CNKSR2: variants seen among roughly 807,000 people sequenced by gnomAD.
The protein encoded by CNKSR2 is connector enhancer of kinase suppressor of Ras 2, also known as CNK homolog protein 2.
Under a neutral mutation model 84.4 loss-of-function variants are expected in CNKSR2, and 14 were observed. The observed-to-expected ratio is 0.17, with a 90% confidence interval of 0.11 to 0.26. The LOEUF is 0.26. CNKSR2 is among the 10% of genes least tolerant of loss of function. The pLI is 1.00. For missense variants in CNKSR2, 485 were observed against 771.2 expected, an observed-to-expected ratio of 0.63 and a Z score of 4.40; for synonymous variants, 275 against 277.9, an observed-to-expected ratio of 0.99 and a Z score of 0.10.
At position 21,432,826 on chromosome X, in the gene CNKSR2, C is replaced by A; in HGVS notation, c.431+12C>A. On this transcript the variant is annotated intron_variant, in intron 3 of 21. Coordinates refer to ENST00000379510, the MANE Select transcript of CNKSR2 (RefSeq NM_014927.5). ...GCCTGGTTGGACAGGTAAAGTCTTC[C>A]GCATGTTTCATAAGTATCCTCTCCT... The A allele has an allele frequency of 8.3e-7, 1 of 1,202,233 alleles. No individual in the cohort carries two copies. The highest frequency in any genetic ancestry group is 1.1e-6 in the Non-Finnish European group (1 of 889,425).
rs920789210 is a variant in CNKSR2 at position 21,448,722 on chromosome X, CA to C, written c.519+7947del. On this transcript the variant is annotated intron_variant, in intron 4 of 21. Transcript: ENST00000379510. The stretch of plus-strand genomic sequence containing the variant: ...ATAATATTAATATTACTTTTAATGG[CA>C]AAAAACACGAATACTTTTGCACCAA... Among the ~76,000 whole-genome samples, 37 of 111,163 alleles carry C rather than the reference CA, an allele frequency of 3.3e-4. 1 individual carries two copies. Among genetic ancestry groups the C allele is most frequent in the African/African-American group, 1.0e-3 (32 of 30,562 alleles).
At chrX:21,452,535 A>G (rs991517947) in intron 4 of CNKSR2, among the ~76,000 whole-genome samples, 2 of 111,575 alleles carry the variant, frequency 1.8e-5, no homozygotes, top group Non-Finnish European at 3.8e-5. Context: ...TCACGTCTCT[A>G]TATGCTAAAA....
At chrX:21,591,383 T>TTG (rs200916300) in intron 15 of CNKSR2, 189 bp downstream of exon 15, 4,928 of 298,893 alleles carry the variant, frequency 0.016, 212 homozygotes, top group African/African-American at 0.12. Context: ...CTGTCTCAAT[T>TTG]ATGCTAATGT....
At chrX:21,583,402 A>G (rs928443024) in intron 13 of CNKSR2, among the ~76,000 whole-genome samples, 1 of 112,006 alleles carries the variant, frequency 8.9e-6, no homozygotes. Context: ...CTTCCTACAT[A>G]CAATAATTAG....
chrX:21,573,448 T>C (rs944216873), intron 13 of CNKSR2, among the ~76,000 whole-genome samples: 1 of 111,649 alleles, frequency 9.0e-6, no homozygotes, highest in Non-Finnish European at 1.9e-5. Flanking sequence ...CTAGCAGAGG[T>C]TCTCAATGAG....
At chrX:21,530,337 C>G (rs1014533866) in intron 10 of CNKSR2, among the ~76,000 whole-genome samples, 1 of 111,013 alleles carries the variant, frequency 9.0e-6, no homozygotes, top group Admixed American at 9.6e-5. Flanking sequence ...ATGTTGTTTA[C>G]TACTTTCTAC....
chrX:21,424,284 T>C (rs954884904), intron 1 of CNKSR2: 4 of 112,036 alleles, frequency 3.6e-5, no homozygotes, highest in African/African-American at 1.3e-4. Context: ...TCTGTCTGGC[T>C]TCTCTTTGCC....
chrX:21,503,405 C>T (rs1411388893), intron 8 of CNKSR2: 1 of 290,009 alleles, frequency 3.4e-6, no homozygotes, highest in East Asian at 4.8e-5. Context: ...TTATTGTGTT[C>T]TTACAGTGTG....
At chrX:21,604,902 TAAG>T (rs754119656) in intron 18 of CNKSR2, among the ~76,000 whole-genome samples, 19 of 111,833 alleles carry the variant, frequency 1.7e-4, no homozygotes, top group Non-Finnish European at 1.3e-4. Flanking sequence ...ACTTTATGTC[TAAG>T]AAGAAGAACA....
intron 1 of CNKSR2, among the ~76,000 whole-genome samples, chrX:21,379,804 T>G (rs1320511506): frequency 9.0e-6 from 1 of 111,689 alleles, no homozygotes; most frequent in Non-Finnish European, 1.9e-5. Context: ...ATGTAGTAAT[T>G]TTTTAAAGGC....
intron 11 of CNKSR2, among the ~76,000 whole-genome samples, chrX:21,548,785 G>A (rs773631178): frequency 3.6e-5 from 4 of 111,930 alleles, no homozygotes; most frequent in African/African-American, 1.3e-4. Context: ...ATCAATAAAC[G>A]TAATCCATCA....
chrX:21,459,825 A>G (rs952589161), intron 4 of CNKSR2, among the ~76,000 whole-genome samples: 1 of 111,110 alleles, frequency 9.0e-6, no homozygotes, highest in African/African-American at 3.3e-5. Context: ...TTACTTGTAC[A>G]TCTAAACTCC....
intron 11 of CNKSR2, among the ~76,000 whole-genome samples, chrX:21,541,617 C>A (rs112041473): frequency 0.082 from 9,106 of 111,122 alleles, 373 homozygotes; most frequent in Middle Eastern, 0.15. Flanking sequence ...CTTTAAGTCC[C>A]AGTTTCCAAG....
chrX:21,549,138 GT>G (rs1345527563), intron 11 of CNKSR2, among the ~76,000 whole-genome samples: 1 of 112,442 alleles, frequency 8.9e-6, no homozygotes, highest in Non-Finnish European at 1.9e-5. Flanking sequence ...ATTTGTCCCT[GT>G]TTGCAGATGA....
chrX:21,446,443 A>G (rs914604926), intron 4 of CNKSR2, among the ~76,000 whole-genome samples: 2 of 111,181 alleles, frequency 1.8e-5, no homozygotes, highest in African/African-American at 3.3e-5. Flanking sequence ...TGGCAGCTGC[A>G]TATTTCTGAA....
Position 21,609,665 on chromosome X carries a change from C to G in CNKSR2, c.2692+48C>G, listed in dbSNP as rs1215982179. ...TTAGCCTGTGTACACAAAGTCCTGA[C>G]CTTTTCAAACTTCTTATTTGAAGAA... On this transcript the variant is annotated intron_variant, in intron 20 of 21. Coordinates refer to ENST00000379510, the MANE Select transcript of CNKSR2 (RefSeq NM_014927.5). The G allele has an allele frequency of 2.8e-5, 31 of 1,108,568 alleles. No individual in the cohort carries two copies. The Admixed American group carries it at 1.0e-3, about 36-fold the overall frequency. The allele number at this position is 1,108,568 out of a possible 1,213,427, so 91.4% of individuals were successfully genotyped here.
At chrX:21,646,182 C>T (rs2147343528) in intron 20 of CNKSR2, among the ~76,000 whole-genome samples, 1 of 111,025 alleles carries the variant, frequency 9.0e-6, no homozygotes, top group South Asian at 3.9e-4. Flanking sequence ...AGGAGCCACA[C>T]TATCCCATTA....
At chrX:21,417,568 A>G (rs1448036427) in intron 1 of CNKSR2, among the ~76,000 whole-genome samples, 1 of 111,519 alleles carries the variant, frequency 9.0e-6, no homozygotes, top group African/African-American at 3.3e-5. Flanking sequence ...GCTTCATTTG[A>G]TATTTGCTTT....
chrX:21,574,495 C>T (rs1336636499), intron 13 of CNKSR2, among the ~76,000 whole-genome samples: 1 of 111,705 alleles, frequency 9.0e-6, no homozygotes, highest in African/African-American at 3.3e-5. Flanking sequence ...GAAGGGGAAG[C>T]AAATATGTCT....
Sources: gnomAD v4.1 joint callset for allele counts (sites outside exome capture counted in the v4.1 genomes callset) on GRCh38, gnomAD v4.1.1 for gene constraint, MANE v1.5 for transcripts, NCBI Gene and HGNC (gene_info 2026-07-23, HGNC 2026-07-21) for gene names.